Variants in ARHGAP15 observed in about 807,000 individuals in gnomAD.
ARHGAP15 encodes Rho GTPase activating protein 15, also known as rho GTPase-activating protein 15.
In ARHGAP15, 51 loss-of-function variants were observed where a neutral mutation model predicts 63.7. The ratio of observed to expected loss-of-function variants is 0.80; its 90% confidence interval spans 0.64 to 1.01. The LOEUF is 1.01. Among genes scored for constraint, ARHGAP15 ranks in the 50% least tolerant of loss-of-function variants. The probability of loss-of-function intolerance (pLI) is 0.00; values close to 1 mark genes in which losing one functional copy is unlikely to be tolerated. For missense variants in ARHGAP15, 560 were observed against 564.6 expected (o/e 0.99, Z 0.08); for synonymous variants, 191 against 193.8 (o/e 0.99, Z 0.12).
At chr2:143,407,546 C>A (rs1688251263) in intron 6 of ARHGAP15, among the ~76,000 whole-genome samples, 2 of 151,656 alleles carry the variant, frequency 1.3e-5, no homozygotes, top group East Asian at 1.9e-4. Flanking sequence ...AACAACAAAC[C>A]AAATACCCTG....
chr2:143,443,449 A>T (rs1414736035), intron 8 of ARHGAP15, among the ~76,000 whole-genome samples: 1 of 151,794 alleles, frequency 6.6e-6, no homozygotes, highest in Non-Finnish European at 1.5e-5. Flanking sequence ...TTTTTCCCCA[A>T]AATAACTAGC....
At chr2:143,449,859 A>G (rs1690323952) in intron 8 of ARHGAP15, among the ~76,000 whole-genome samples, 1 of 151,920 alleles carries the variant, frequency 6.6e-6, no homozygotes, top group Non-Finnish European at 1.5e-5. Flanking sequence ...AAATGGGCAA[A>G]TAATCATTCT....
At chr2:143,225,497 A>T (rs1447185050) in intron 4 of ARHGAP15, among the ~76,000 whole-genome samples, 2 of 152,140 alleles carry the variant, frequency 1.3e-5, no homozygotes, top group East Asian at 1.9e-4. Flanking sequence ...GCTACTGGGG[A>T]GGCTGAGGCA....
At chr2:143,464,433 TACA>T (rs1691107252) in intron 8 of ARHGAP15, among the ~76,000 whole-genome samples, 1 of 152,116 alleles carries the variant, frequency 6.6e-6, no homozygotes, top group Non-Finnish European at 1.5e-5. Context: ...ATTTAAGACA[TACA>T]ACAACATATC....
intron 6 of ARHGAP15, among the ~76,000 whole-genome samples, chr2:143,329,008 A>G (rs1234823184): frequency 6.6e-6 from 1 of 152,188 alleles, no homozygotes; most frequent in East Asian, 1.9e-4. Context: ...AAGTGACAAA[A>G]TGAAAGCAAC....
rs35076104 is a variant in ARHGAP15 at position 143,134,801 on chromosome 2, A to AT, written c.-15+5344dup. ...AGGTGCCTGCCACCAAGCCCAGCTA[A>AT]TTTTTTTTTGTATTTTTAGTAGAGT... On this transcript the variant is annotated intron_variant, in intron 1 of 13. Coordinates refer to ENST00000295095, the MANE Select transcript of ARHGAP15 (RefSeq NM_018460.4). 2.2e-4 allele frequency among the ~76,000 whole-genome samples: 33 copies of AT among 151,464 alleles called. 1 individual carries two copies. The South Asian group carries it at 3.1e-3, about 14-fold the overall frequency.
At chr2:143,504,142 G>A (rs1693197891) in intron 9 of ARHGAP15, among the ~76,000 whole-genome samples, 1 of 152,218 alleles carries the variant, frequency 6.6e-6, no homozygotes, top group African/African-American at 2.4e-5. Flanking sequence ...AGCCTTAGAT[G>A]AAATGTAAAG....
At chr2:143,517,226 T>A (rs1490214490) in intron 9 of ARHGAP15, among the ~76,000 whole-genome samples, 1 of 152,094 alleles carries the variant, frequency 6.6e-6, no homozygotes, top group Non-Finnish European at 1.5e-5. Flanking sequence ...GGATTACAGG[T>A]GTGAGTCACC....
intron 8 of ARHGAP15, among the ~76,000 whole-genome samples, chr2:143,470,831 C>CATAT (rs573629377): frequency 4.1e-5 from 6 of 147,586 alleles, no homozygotes; most frequent in African/African-American, 7.5e-5. Context: ...AACAGTTTCG[C>CATAT]ATATATATAT....
intron 12 of ARHGAP15, among the ~76,000 whole-genome samples, chr2:143,654,658 G>T (rs754610338): frequency 8.5e-5 from 13 of 152,104 alleles, no homozygotes; most frequent in African/African-American, 9.7e-5. Flanking sequence ...GACTCAAAAA[G>T]GTTGACTGAC....
intron 13 of ARHGAP15, among the ~76,000 whole-genome samples, chr2:143,728,978 A>G (rs544097891): frequency 1.3e-5 from 2 of 152,352 alleles, no homozygotes; most frequent in South Asian, 2.1e-4. Flanking sequence ...CCACAGAGCT[A>G]TGGTCTCAGT....
chr2:143,698,992 T>C (rs1305178442), intron 12 of ARHGAP15, among the ~76,000 whole-genome samples: 3 of 152,178 alleles, frequency 2.0e-5, no homozygotes, highest in Non-Finnish European at 2.9e-5. Context: ...AAATGCTGTC[T>C]TTCAGATGCT....
chr2:143,315,017 G>A (rs1418672677), intron 6 of ARHGAP15, among the ~76,000 whole-genome samples: 3 of 152,004 alleles, frequency 2.0e-5, no homozygotes, highest in African/African-American at 4.8e-5. Context: ...TTATTTTTAT[G>A]TATGTATGTG....
intron 1 of ARHGAP15, among the ~76,000 whole-genome samples, chr2:143,141,661 A>G (rs1157601377): frequency 6.6e-6 from 1 of 152,196 alleles, no homozygotes; most frequent in Non-Finnish European, 1.5e-5. Context: ...GAATAAATGA[A>G]GTAATGTGAA....
At chr2:143,186,957 G>T in intron 2 of ARHGAP15, among the ~76,000 whole-genome samples, 1 of 152,150 alleles carries the variant, frequency 6.6e-6, no homozygotes, top group East Asian at 1.9e-4. Context: ...TTAAGTAGGT[G>T]ACCAGTGAAA....
intron 12 of ARHGAP15, among the ~76,000 whole-genome samples, chr2:143,642,258 AT>A (rs989656413): frequency 2.6e-5 from 4 of 151,140 alleles, no homozygotes; most frequent in East Asian, 2.0e-4. Context: ...ATTTGTAGTG[AT>A]TTTTTTTTAT....
chr2:143,141,626 T>G (rs910400715), intron 1 of ARHGAP15, among the ~76,000 whole-genome samples: 3 of 152,134 alleles, frequency 2.0e-5, no homozygotes, highest in African/African-American at 7.2e-5. Context: ...TCGTTGTAAC[T>G]AAGATCATGT....
intron 6 of ARHGAP15, among the ~76,000 whole-genome samples, chr2:143,268,243 G>A (rs1237934232): frequency 1.3e-5 from 2 of 151,016 alleles, no homozygotes; most frequent in Non-Finnish European, 1.5e-5. Context: ...GAGCATATTG[G>A]TTTAAAACAA....
At position 143,762,345 on chromosome 2, in the gene ARHGAP15, G is replaced by A. The variant is rs139413615; in HGVS notation, c.1245-5644G>A. On this transcript the variant is annotated intron_variant, in intron 13 of 13. Coordinates refer to ENST00000295095, the MANE Select transcript of ARHGAP15 (RefSeq NM_018460.4). ...TCTTTTGCCTTTTGGCCTTTGTTTT[G>A]TCATAAAAGGGGAGTTTCTTTCATT... Among the ~76,000 whole-genome samples, 98 of 152,114 alleles carry A rather than the reference G, an allele frequency of 6.4e-4. 1 individual carries two copies. The highest frequency in any genetic ancestry group is 2.2e-3 in the African/African-American group (93 of 41,504).
Sources: gnomAD v4.1 joint callset for allele counts (sites outside exome capture counted in the v4.1 genomes callset) on GRCh38, gnomAD v4.1.1 for gene constraint, MANE v1.5 for transcripts, NCBI Gene and HGNC (gene_info 2026-07-23, HGNC 2026-07-21) for gene names.